The following ACSL1 variants were observed in gnomAD, a reference collection of about 807,000 sequenced individuals.
ACSL1 encodes acyl-CoA synthetase long chain family member 1.
A neutral mutation model predicts 98.4 loss-of-function variants in ACSL1; 41 were observed. The ratio of observed to expected loss-of-function variants is 0.42; its 90% confidence interval spans 0.32 to 0.54. ACSL1 has a LOEUF of 0.54. ACSL1 is among the 20% of genes least tolerant of loss of function. The pLI is 0.13. For synonymous variants in ACSL1, 316 were observed against 322.7 expected, an observed-to-expected ratio of 0.98 and a Z score of 0.22; for missense variants, 734 against 883.1, an observed-to-expected ratio of 0.83 and a Z score of 2.14.
intron 7 of ACSL1, 85 bp downstream of exon 7, chr4:184,776,399 G>A: frequency 6.9e-7 from 1 of 1,454,476 alleles, no homozygotes; most frequent in South Asian, 1.3e-5. Flanking sequence ...CTGCACCATA[G>A]CACTAGATAG....
At chr4:184,790,562 C>A (rs1768175660) in intron 2 of ACSL1, among the ~76,000 whole-genome samples, 1 of 152,192 alleles carries the variant, frequency 6.6e-6, no homozygotes, top group South Asian at 2.1e-4. Context: ...TCCAAACATG[C>A]TTACTAACTA....
Position 184,766,742 on chromosome 4 carries a change from T to C in ACSL1, c.1143A>G (p.Ala381=). 3 of 1,612,290 alleles carry C rather than the reference T, an allele frequency of 1.9e-6. No homozygotes were observed. Among genetic ancestry groups the C allele is most frequent in the Non-Finnish European group, 2.5e-6 (3 of 1,178,530 alleles). The stretch of plus-strand genomic sequence containing the variant: ...AGAGCCATCGCTTCAGCGTGGTGTT[T>C]GCTTGTCCGAAAATCTAATGAGGCA... ...NRMFDRIFGQ[A]NTTLKRWLLD... is the part of the protein sequence containing the mutation. The change falls in exon 13 of 21, where the codon GCA becomes GCG. Residue 381 remains alanine (A), a synonymous_variant. Transcript: ENST00000281455. This position sits in a 1 kb window ranked among gnomAD's most constrained non-coding sequence, Gnocchi z 4.8.
intron 1 of ACSL1, among the ~76,000 whole-genome samples, chr4:184,810,312 TC>T (rs1771921355): frequency 6.6e-6 from 1 of 152,160 alleles, no homozygotes. Flanking sequence ...GTGCCCTCTC[TC>T]CCCGAGGCTG....
In ACSL1 at chr4:184,812,089, T is replaced by C. The variant is rs563326849; in HGVS notation, c.-32-8543A>G. On this transcript the variant is annotated intron_variant, in intron 1 of 20. Transcript: ENST00000281455. ...CCCTCTATGAGAAGCAATCAGTCCTTCCTCTGAACTCCAGGACTTCTTTAT... is the reference window on the plus strand; with the variant it reads ...CCCTCTATGAGAAGCAATCAGTCCTCCCTCTGAACTCCAGGACTTCTTTAT... 2.3e-5 allele frequency: 17 copies of C among 724,276 alleles called. No individual in the cohort carries two copies. In the East Asian group the frequency reaches 2.2e-3, roughly 95 times the overall value. 44.9% of individuals were successfully genotyped at this position (724,276 alleles called of 1,614,324 possible). A position where few individuals can be genotyped will look rare whatever the true frequency, so the allele number is the denominator to read the frequency against.
chr4:184,783,038 G>C (rs1433377463), intron 4 of ACSL1, among the ~76,000 whole-genome samples: 1 of 152,216 alleles, frequency 6.6e-6, no homozygotes, highest in Non-Finnish European at 1.5e-5. Flanking sequence ...AGGAGAAGGG[G>C]GGCCAGGGAC....
chr4:184,774,926 C>A (rs1368274790), intron 7 of ACSL1, among the ~76,000 whole-genome samples: 4 of 152,076 alleles, frequency 2.6e-5, no homozygotes, highest in Admixed American at 6.5e-5. Flanking sequence ...TTCAAAATAA[C>A]CTTTATTAGC....
chr4:184,812,748 G>GGAAGA (rs1283963541), intron 1 of ACSL1, among the ~76,000 whole-genome samples: 1 of 152,074 alleles, frequency 6.6e-6, no homozygotes, highest in African/African-American at 2.4e-5. Flanking sequence ...CCGGGGGAAG[G>GGAAGA]GAAGAGATCA....
chr4:184,814,061 C>T (rs568878922), intron 1 of ACSL1, among the ~76,000 whole-genome samples: 47 of 152,138 alleles, frequency 3.1e-4, no homozygotes, highest in African/African-American at 1.0e-3. Context: ...GAGGCCGAGG[C>T]GGGTGGATCA....
chr4:184,819,082 TG>T (rs1284734160), intron 1 of ACSL1, among the ~76,000 whole-genome samples: 4 of 150,734 alleles, frequency 2.7e-5, no homozygotes, highest in Non-Finnish European at 5.9e-5. Context: ...CAGGGCTCTG[TG>T]GGACAAGGAA....
rs1028642506 is a variant in ACSL1 at position 184,825,441 on chromosome 4, G to A, written c.-33+475C>T. ...CTGCGTGGGGCCGGCATCTCAGCGGGCGCGAGTGCAGTCTCGCCCCACGCG... is the reference window on the plus strand; with the variant it reads ...CTGCGTGGGGCCGGCATCTCAGCGGACGCGAGTGCAGTCTCGCCCCACGCG... On this transcript the variant is annotated intron_variant, in intron 1 of 20. Coordinates refer to ENST00000281455, the MANE Select transcript of ACSL1 (RefSeq NM_001995.5). The surrounding 1 kb of genome is among the most constrained non-coding windows in gnomAD (Gnocchi z 4.7). Among the ~76,000 whole-genome samples the A allele has an allele frequency of 2.6e-5, 4 of 152,058 alleles. No individual in the cohort carries two copies. The highest frequency in any genetic ancestry group is 7.2e-5 in the African/African-American group (3 of 41,434).
Position 184,788,732 on chromosome 4 carries a change from C to T in ACSL1, c.196-1G>A. ...CGGATCTTCGTGCACCACCACTACCCTATCAAAAAAGAAAGGGGGGCAGGT... is the reference window on the plus strand; with the variant it reads ...CGGATCTTCGTGCACCACCACTACCTTATCAAAAAAGAAAGGGGGGCAGGT... On this transcript the variant is annotated splice_acceptor_variant, in intron 2 of 20. Coordinates refer to ENST00000281455, the MANE Select transcript of ACSL1 (RefSeq NM_001995.5). LOFTEE classifies it high-confidence loss of function. 1 of 1,613,650 alleles carries T rather than the reference C, an allele frequency of 6.2e-7. No homozygotes were observed. The highest frequency in any genetic ancestry group is 8.5e-7 in the Non-Finnish European group (1 of 1,179,680).
chr4:184,790,241 C>T lies in ACSL1; in HGVS notation c.196-1510G>A, dbSNP rs1460437606. ...TTAGGATTATCCATTTCTCTTCCTA[C>T]AAGCTCTTTTGCTTTTTGTCCACCC... On this transcript the variant is annotated intron_variant, in intron 2 of 20. Coordinates refer to ENST00000281455, the MANE Select transcript of ACSL1 (RefSeq NM_001995.5). Among the ~76,000 whole-genome samples, 3 of 152,288 alleles carry T rather than the reference C, an allele frequency of 2.0e-5. No individual in the cohort carries two copies. The East Asian group carries it at 5.8e-4, about 29-fold the overall frequency.
chr4:184,760,044 T>G (rs893093020), intron 18 of ACSL1, among the ~76,000 whole-genome samples: 2 of 152,218 alleles, frequency 1.3e-5, no homozygotes, highest in African/African-American at 4.8e-5. Context: ...TTATAACCCA[T>G]GTCAATATTT....
At chr4:184,817,560 T>C (rs1296939096) in intron 1 of ACSL1, among the ~76,000 whole-genome samples, 1 of 152,088 alleles carries the variant, frequency 6.6e-6, no homozygotes, top group Admixed American at 6.6e-5. Context: ...CTGCCTTGTG[T>C]CTCCATCTGT....
intron 2 of ACSL1, among the ~76,000 whole-genome samples, chr4:184,790,066 T>C (rs1054935377): frequency 7.2e-5 from 11 of 151,974 alleles, no homozygotes; most frequent in Admixed American, 4.6e-4. Flanking sequence ...CAAAAAGAAG[T>C]GTGGAAAAGC....
chr4:184,765,049 T>C, intron 14 of ACSL1, 124 bp from the exon 15 acceptor site: 1 of 953,204 alleles, frequency 1.0e-6, no homozygotes, highest in Non-Finnish European at 1.6e-6. Flanking sequence ...TCATTTCAAA[T>C]GGTCTGTTCA....
At chr4:184,793,253 G>A (rs1056961163) in intron 2 of ACSL1, among the ~76,000 whole-genome samples, 11 of 151,294 alleles carry the variant, frequency 7.3e-5, no homozygotes, top group African/African-American at 2.4e-4. Context: ...CGGTGGTCAT[G>A]AGTATATTCC....
intron 2 of ACSL1, among the ~76,000 whole-genome samples, chr4:184,794,235 T>C (rs1286173639): frequency 6.6e-6 from 1 of 152,250 alleles, no homozygotes; most frequent in African/African-American, 2.4e-5. Flanking sequence ...TCCAGTGACC[T>C]TTCAGAGAGG....
chr4:184,812,108 T>C (rs1561245389), intron 1 of ACSL1: 1 of 857,860 alleles, frequency 1.2e-6, no homozygotes, highest in Non-Finnish European at 1.4e-6. Flanking sequence ...CTCCAGGACT[T>C]CTTTATTTGT....
Sources: gnomAD v4.1 joint callset for allele counts (sites outside exome capture counted in the v4.1 genomes callset) on GRCh38, gnomAD v4.1.1 for gene constraint, Gnocchi (gnomAD v3.1) non-coding constraint, MANE v1.5 for transcripts, NCBI Gene and HGNC (gene_info 2026-07-23, HGNC 2026-07-21) for gene names.